The following STX18 variants were observed in gnomAD, a reference collection of about 807,000 sequenced individuals.
The protein encoded by STX18 is syntaxin 18.
In STX18, 40 loss-of-function variants were observed where a neutral mutation model predicts 50.1. The observed-to-expected ratio is 0.80, with a 90% CI of 0.62 to 1.04. STX18 has a LOEUF of 1.04. Ranked by LOEUF, STX18 falls within the 50% of genes least tolerant of loss-of-function variation. The pLI, the probability that STX18 is intolerant of heterozygous loss-of-function variation, is 0.00. For missense variants in STX18, 410 were observed against 415.8 expected, an observed-to-expected ratio of 0.99 and a Z score of 0.12; for synonymous variants, 158 against 151.8, an observed-to-expected ratio of 1.04 and a Z score of -0.30.
At chr4:4,432,366 GA>G (rs1725560234) in intron 7 of STX18, among the ~76,000 whole-genome samples, 1 of 152,252 alleles carries the variant, frequency 6.6e-6, no homozygotes, top group Non-Finnish European at 1.5e-5. Flanking sequence ...ACCCTGCCAT[GA>G]TGGCATGCAT....
intron 6 of STX18, among the ~76,000 whole-genome samples, chr4:4,435,737 C>G (rs61666747): frequency 0.15 from 22,494 of 152,134 alleles, 2,954 homozygotes; most frequent in African/African-American, 0.35. Flanking sequence ...CCTGGGCATG[C>G]AACTGCTGAA....
chr4:4,423,517 C>T lies in STX18; in HGVS notation c.831+1G>A, dbSNP rs375869272. ...CAGCTCCTTTGTTTTTGTTTTTTTA[C>T]CTGTTGCAAAACCTTTTCCGTGAAT... On this transcript the variant is annotated splice_donor_variant, in intron 9 of 10. Transcript: ENST00000306200. LOFTEE classifies it high-confidence loss of function. The T allele has an allele frequency of 5.5e-5, 89 of 1,614,056 alleles. No individual in the cohort carries two copies. The highest frequency in any genetic ancestry group is 7.5e-5 in the Non-Finnish European group (88 of 1,179,990).
Position 4,487,413 on chromosome 4 carries a change from T to C in STX18, c.169-15707A>G, listed in dbSNP as rs1728747798. 2.6e-5 allele frequency among the ~76,000 whole-genome samples: 4 copies of C among 152,368 alleles called. No individual in the cohort carries two copies. The South Asian group carries it at 6.2e-4, about 24-fold the overall frequency. On this transcript the variant is annotated intron_variant, in intron 1 of 10. Transcript: ENST00000306200. Reference sequence around the variant, plus strand: ...TGTTTCCTATGTGTCGGACACCATGTTAAACCCATTGTATAGACTATCTCA... The same window carrying C: ...TGTTTCCTATGTGTCGGACACCATGCTAAACCCATTGTATAGACTATCTCA...
At chr4:4,505,140 T>A (rs1729640993) in intron 1 of STX18, among the ~76,000 whole-genome samples, 2 of 152,192 alleles carry the variant, frequency 1.3e-5, no homozygotes, top group South Asian at 4.1e-4. Flanking sequence ...GATTTGCCTG[T>A]TCTGGACATT....
chr4:4,447,584 C>T (rs1215707314), intron 5 of STX18, among the ~76,000 whole-genome samples: 1 of 96,816 alleles, frequency 1.0e-5, no homozygotes, highest in African/African-American at 4.0e-5. Context: ...GAGCGAGACT[C>T]CGTCTCACAA....
At chr4:4,472,065 C>T (rs1024818153) in intron 1 of STX18, among the ~76,000 whole-genome samples, 1 of 152,226 alleles carries the variant, frequency 6.6e-6, no homozygotes, top group African/African-American at 2.4e-5. Context: ...AGTATTCCTT[C>T]TTCCAAGTGT....
intron 2 of STX18, among the ~76,000 whole-genome samples, chr4:4,464,742 T>C (rs531006665): frequency 1.3e-5 from 2 of 152,324 alleles, no homozygotes; most frequent in Non-Finnish European, 2.9e-5. Context: ...ACCTGTGGGG[T>C]CAGTGGTGAC....
rs115617633 is a variant in STX18 at position 4,420,645 on chromosome 4, G to T, written c.912+219C>A. ...CCCACCCACCCTGGATTGCTCCTTTGGAGGCTGGTGAGCCACTGCCTCTCG... is the reference window on the plus strand; with the variant it reads ...CCCACCCACCCTGGATTGCTCCTTTTGAGGCTGGTGAGCCACTGCCTCTCG... On this transcript the variant is annotated intron_variant, in intron 10 of 10. Transcript: ENST00000306200. The surrounding 1 kb of genome is among the most constrained non-coding windows in gnomAD (Gnocchi z 4.3). 679 of 564,072 alleles carry T rather than the reference G, an allele frequency of 1.2e-3. 1 individual carries two copies. The highest frequency in any genetic ancestry group is 0.012 in the African/African-American group (614 of 52,756). 34.9% of individuals were successfully genotyped at this position (564,072 alleles called of 1,614,324 possible).
In STX18 at chr4:4,541,958, C is replaced by G; in HGVS notation, c.7G>C (p.Val3Leu). 6.2e-7 allele frequency: 1 copy of G among 1,603,546 alleles called. No individual in the cohort carries two copies. The highest frequency in any genetic ancestry group is 8.5e-7 in the Non-Finnish European group (1 of 1,176,186). ...GCCCGGAATAGCAGCGTGATGTCCACCGCCATAGCGACCCGCACCCTCAGC... is the reference window on the plus strand; with the variant it reads ...GCCCGGAATAGCAGCGTGATGTCCAGCGCCATAGCGACCCGCACCCTCAGC... MA[V>L]DITLLFRASV... is the part of the protein sequence containing the mutation. The change falls in exon 1 of 11, where the codon GTG becomes CTG. Residue 3 changes from valine (V) to leucine (L), a missense_variant. Physicochemically the swap from Val to Leu is conservative, Grantham distance 32. Transcript: ENST00000306200.
At chr4:4,429,886 G>A (rs945462492) in intron 7 of STX18, among the ~76,000 whole-genome samples, 26 of 152,250 alleles carry the variant, frequency 1.7e-4, no homozygotes, top group African/African-American at 5.3e-4. Flanking sequence ...CTTGGAAGAC[G>A]CCTTTCATGT....
intron 6 of STX18, among the ~76,000 whole-genome samples, chr4:4,435,920 A>G (rs1725752531): frequency 6.6e-6 from 1 of 152,108 alleles, no homozygotes; most frequent in African/African-American, 2.4e-5. Flanking sequence ...TTGGGAGCGG[A>G]GGGGAGAGGG....
chr4:4,434,362 T>C (rs1937206518), intron 7 of STX18, among the ~76,000 whole-genome samples: 1 of 152,222 alleles, frequency 6.6e-6, no homozygotes, highest in African/African-American at 2.4e-5. Flanking sequence ...GGAGGTGCTA[T>C]CAGTAGTTAA....
chr4:4,462,706 AAGACTG>A (rs1727444317), intron 2 of STX18, among the ~76,000 whole-genome samples: 2 of 152,106 alleles, frequency 1.3e-5, no homozygotes, highest in Non-Finnish European at 2.9e-5. Context: ...AAAAAAAAAA[AAGACTG>A]AGTTTCTAGA....
intron 1 of STX18, among the ~76,000 whole-genome samples, chr4:4,499,207 T>G (rs1457914080): frequency 1.3e-5 from 2 of 152,124 alleles, no homozygotes; most frequent in Admixed American, 1.3e-4. Flanking sequence ...GAAACACAAC[T>G]CTAAACCGTA....
chr4:4,486,339 T>C (rs1373109104), intron 1 of STX18, among the ~76,000 whole-genome samples: 2 of 152,138 alleles, frequency 1.3e-5, no homozygotes, highest in East Asian at 3.8e-4. Flanking sequence ...AGTCTGCTCA[T>C]AAGAAATCAG....
At position 4,461,399 on chromosome 4, in the gene STX18, C is replaced by G. The variant is rs1049930690; in HGVS notation, c.237-1912G>C. ...ATTCAGAGATCTAGCCACAGGCTAT[C>G]TAGGTTACATGCTGTTCTGCTCTAG... is the stretch of plus-strand genomic sequence containing the variant. On this transcript the variant is annotated intron_variant, in intron 2 of 10. Coordinates refer to ENST00000306200, the MANE Select transcript of STX18 (RefSeq NM_016930.4). 2.6e-5 allele frequency among the ~76,000 whole-genome samples: 4 copies of G among 152,214 alleles called. No individual in the cohort carries two copies. The East Asian group carries it at 7.7e-4, about 29-fold the overall frequency.
chr4:4,530,009 GC>G (rs1731020391), intron 1 of STX18, among the ~76,000 whole-genome samples: 1 of 151,992 alleles, frequency 6.6e-6, no homozygotes, highest in Non-Finnish European at 1.5e-5. Flanking sequence ...CCTTTAAATA[GC>G]CCCCACCCCT....
chr4:4,442,259 T>C (rs937158857), intron 5 of STX18, among the ~76,000 whole-genome samples: 1 of 152,080 alleles, frequency 6.6e-6, no homozygotes, highest in Non-Finnish European at 1.5e-5. Flanking sequence ...CTCCCTACAC[T>C]GTACACCAAG....
At chr4:4,500,994 G>A (rs556241628) in intron 1 of STX18, among the ~76,000 whole-genome samples, 4 of 152,194 alleles carry the variant, frequency 2.6e-5, no homozygotes, top group South Asian at 2.1e-4. Context: ...CCGAGATGGC[G>A]CCATTGCACT....
Sources: gnomAD v4.1 joint callset for allele counts (sites outside exome capture counted in the v4.1 genomes callset) on GRCh38, gnomAD v4.1.1 for gene constraint, Gnocchi (gnomAD v3.1) non-coding constraint, MANE v1.5 for transcripts, NCBI Gene and HGNC (gene_info 2026-07-23, HGNC 2026-07-21) for gene names.